The following TNXB variants were observed in gnomAD, a reference collection of about 807,000 sequenced individuals.
TNXB encodes tenascin XB, also known as tenascin-X.
Under a neutral mutation model 340.5 loss-of-function variants are expected in TNXB, and 183 were observed. The observed-to-expected ratio is 0.54, with a 90% CI of 0.48 to 0.61. TNXB has a LOEUF of 0.61. Among genes scored for constraint, TNXB ranks in the 20% least tolerant of loss-of-function variants. The probability of loss-of-function intolerance (pLI) is 0.00; values close to 1 mark genes in which losing one functional copy is unlikely to be tolerated. For synonymous variants in TNXB, 2,121 were observed against 2,314.5 expected (o/e 0.92, Z 2.40); for missense variants, 4,613 against 5,446.4 (o/e 0.85, Z 4.82).
At position 32,069,674 on chromosome 6, in the gene TNXB, C is replaced by T. The variant is rs1284068947; in HGVS notation, c.5466G>A (p.Val1822=). The change falls in exon 15 of 44, where the codon GTG becomes GTA. Residue 1822 remains valine, a synonymous_variant. Coordinates refer to ENST00000644971, the MANE Select transcript of TNXB (RefSeq NM_001365276.2). The surrounding 1 kb of genome is among the most constrained non-coding windows in gnomAD (Gnocchi z 6.2). ...CGCTGACCTCCCTGAGGCTGCCCTCCACGGGCACCACCTGGGGCTGCCCGT... is the reference window on the plus strand; with the variant it reads ...CGCTGACCTCCCTGAGGCTGCCCTCTACGGGCACCACCTGGGGCTGCCCGT... The part of the protein sequence containing the change: ...DRDGQPQVVP[V]EGSLREVSVP... 1 of 1,613,106 alleles carries T rather than the reference C, an allele frequency of 6.2e-7. No individual in the cohort carries two copies. The highest frequency in any genetic ancestry group is 2.2e-5 in the East Asian group (1 of 44,880).
At position 32,064,801 on chromosome 6, in the gene TNXB, G is replaced by C; in HGVS notation, c.6841+20C>G. The stretch of plus-strand genomic sequence containing the variant: ...TGAGTCTAGTTCAGGGCAGGGCCCA[G>C]TGCCCTACTGCACACTCACCAGTTA... On this transcript the variant is annotated intron_variant, in intron 19 of 43. Transcript: ENST00000644971. The surrounding 1 kb of genome is among the most constrained non-coding windows in gnomAD (Gnocchi z 5.3). 1 of 1,604,606 alleles carries C rather than the reference G, an allele frequency of 6.2e-7. No individual in the cohort carries two copies. The highest frequency in any genetic ancestry group is 1.1e-5 in the South Asian group (1 of 90,208).
At position 32,097,638 on chromosome 6, in the gene TNXB, T is replaced by TAGCC. The variant is rs1284809620; in HGVS notation, c.403+154_403+157dup. The stretch of plus-strand genomic sequence containing the variant: ...CCTCGCATATGCTTTGGTTGACATG[T>TAGCC]AGCCCAGCTCTGCTCTCCAAGTTGT... On this transcript the variant is annotated intron_variant, in intron 2 of 43. Transcript: ENST00000644971. The surrounding 1 kb of genome is among the most constrained non-coding windows in gnomAD (Gnocchi z 5.9). The TAGCC allele has an allele frequency of 9.1e-7, 1 of 1,104,920 alleles. No homozygotes were observed. Among genetic ancestry groups the TAGCC allele is most frequent in the African/African-American group, 1.6e-5 (1 of 63,394 alleles). The allele number at this position is 1,104,920 out of a possible 1,614,324, so 68.4% of individuals were successfully genotyped here.
Position 32,064,917 on chromosome 6 carries a change from T to C in TNXB, c.6745A>G (p.Ile2249Val), listed in dbSNP as rs563910971. 1.2e-6 allele frequency: 2 copies of C among 1,612,840 alleles called. No individual in the cohort carries two copies. Among genetic ancestry groups the C allele is most frequent in the East Asian group, 2.2e-5 (1 of 44,870 alleles). The change falls in exon 19 of 44, where the codon ATC becomes GTC. Residue 2249 changes from isoleucine to valine, a missense_variant. Around this residue, in one of 7 missense-constraint regions of TNXB, gnomAD observed 4,327 missense variants for 4,859.4 expected, o/e 0.89. Coordinates refer to ENST00000644971, the MANE Select transcript of TNXB (RefSeq NM_001365276.2). The surrounding 1 kb of genome is among the most constrained non-coding windows in gnomAD (Gnocchi z 5.3). ...RVPGHEDGVT[I>V]SGLEPDHKYK... is the part of the protein sequence containing the mutation. ...TTGTGGTCTGGCTCCAGGCCCGAGATGGTGACCCCATCCTCGTGTCCCGGC... is the reference window on the plus strand; with the variant it reads ...TTGTGGTCTGGCTCCAGGCCCGAGACGGTGACCCCATCCTCGTGTCCCGGC...
At position 32,089,850 on chromosome 6, in the gene TNXB, C is replaced by T. The variant is rs204899; in HGVS notation, c.2359-471G>A. Among the ~76,000 whole-genome samples, 20,354 of 152,214 alleles carry T rather than the reference C, an allele frequency of 0.13. 1,657 individuals are homozygous for T. Among genetic ancestry groups the T allele is most frequent in the South Asian group, 0.22 (1,052 of 4,824 alleles). On this transcript the variant is annotated intron_variant, in intron 4 of 43. Transcript: ENST00000644971. The surrounding 1 kb of genome is among the most constrained non-coding windows in gnomAD (Gnocchi z 6.2). ...CCAGGACTCTCCCTCCAGCTTTGCC[C>T]TGGCAACTCTGACTACCTGGGCATG...
chr6:32,096,105 T>C lies in TNXB; in HGVS notation c.1748A>G (p.Glu583Gly), dbSNP rs1398125163. ...RCVCEDGYSG[E>G]DCGVRQCPND... ...CGGGCACTGCCTCACACCGCAATCC[T>C]CGCCAGAGTAGCCGTCCTCGCACAC... The change falls in exon 3 of 44, where the codon GAG (glutamate) becomes GGG (glycine). Residue 583 changes from glutamate (E) to glycine (G), a missense_variant. By Grantham distance (98) the Glu-to-Gly change is moderately conservative. Transcript: ENST00000644971. 1 of 1,608,580 alleles carries C rather than the reference T, an allele frequency of 6.2e-7. No individual in the cohort carries two copies. The highest frequency in any genetic ancestry group is 1.1e-5 in the South Asian group (1 of 89,966).
Position 32,071,997 on chromosome 6 carries a change from T to G in TNXB, c.4983A>C (p.Ala1661=). The change falls in exon 13 of 44, where the codon GCA becomes GCC. Residue 1661 remains alanine (A), a synonymous_variant. Coordinates refer to ENST00000644971, the MANE Select transcript of TNXB (RefSeq NM_001365276.2). ...TGTAGGGGCCCATCTCACCCGTCTT[T>G]GCCTCCACAGAGACTGGGCTGCGTC... ...GKRRSPVSVE[A]KTVARGDASP... 1 of 1,599,202 alleles carries G rather than the reference T, an allele frequency of 6.3e-7. No individual in the cohort carries two copies. Among genetic ancestry groups the G allele is most frequent in the Non-Finnish European group, 8.5e-7 (1 of 1,171,338 alleles).
In TNXB at chr6:32,071,980, C is replaced by A. The variant is rs758269874; in HGVS notation, c.4990+10G>T. ...GGCCTCAGGCTCAGCTGTGTAGGGGCCCATCTCACCCGTCTTTGCCTCCAC... is the reference window on the plus strand; with the variant it reads ...GGCCTCAGGCTCAGCTGTGTAGGGGACCATCTCACCCGTCTTTGCCTCCAC... On this transcript the variant is annotated intron_variant, in intron 13 of 43. Coordinates refer to ENST00000644971, the MANE Select transcript of TNXB (RefSeq NM_001365276.2). 1.3e-6 allele frequency: 2 copies of A among 1,584,468 alleles called. No homozygotes were observed. The highest frequency in any genetic ancestry group is 2.3e-5 in the South Asian group (2 of 85,572).
In TNXB at chr6:32,081,748, A is replaced by G; in HGVS notation, c.3737-75T>C. On this transcript the variant is annotated intron_variant, in intron 9 of 43. Transcript: ENST00000644971. The surrounding 1 kb of genome is among the most constrained non-coding windows in gnomAD (Gnocchi z 5.1). ...GGGCTTGGGGTTTCGACGGGATGTC[A>G]CACCTATGGGGGGTGGGGGGTCACT... 1 of 758,244 alleles carries G rather than the reference A, an allele frequency of 1.3e-6. No individual in the cohort carries two copies. The highest frequency in any genetic ancestry group is 2.0e-6 in the Non-Finnish European group (1 of 500,304). The allele number at this position is 758,244 out of a possible 1,614,324, so 47.0% of individuals were successfully genotyped here.
In TNXB at chr6:32,047,705, GA is replaced by G; in HGVS notation, c.10324+28del. ...AGGGCTCGGATGAGAGGCAGCTCTG[GA>G]AAAGGTGGAGGCTGGACTGGGACTC... is the stretch of plus-strand genomic sequence containing the variant. On this transcript the variant is annotated intron_variant, in intron 30 of 43. Transcript: ENST00000644971. The surrounding 1 kb of genome is among the most constrained non-coding windows in gnomAD (Gnocchi z 6.2). The G allele has an allele frequency of 1.3e-6, 2 of 1,557,060 alleles. No individual in the cohort carries two copies.
Position 32,096,558 on chromosome 6 carries a change from G to C in TNXB, c.1295C>G (p.Ser432Trp), listed in dbSNP as rs1276343973. 1.3e-6 allele frequency: 2 copies of C among 1,591,822 alleles called. No homozygotes were observed. The highest frequency in any genetic ancestry group is 1.3e-5 in the African/African-American group (1 of 74,084). The change falls in exon 3 of 44, where the codon TCG (serine) becomes TGG (tryptophan). Residue 432 changes from serine (S) to tryptophan (W), a missense_variant. By Grantham distance (177) the Ser-to-Trp change is radical. Around this residue, in one of 7 missense-constraint regions of TNXB, gnomAD observed 4,327 missense variants for 4,859.4 expected, o/e 0.89. Transcript: ENST00000644971. ...TCTACAGTCGCGTGGGCAGGCGCGC[G>C]AGCCGCAATCGGTTCCAGTGTACCC... is the stretch of plus-strand genomic sequence containing the variant. Reference protein sequence around the residue: ...WPGYTGTDCGSRACPRDCRGR... With the variant: ...WPGYTGTDCGWRACPRDCRGR...
Position 32,079,496 on chromosome 6 carries a change from C to A in TNXB, c.4043-131G>T. ...CCTTTGTATTTGCCATTCGGTCACTCACGGATGGAGAAGGCTGAGACAGCC... is the reference window on the plus strand; with the variant it reads ...CCTTTGTATTTGCCATTCGGTCACTAACGGATGGAGAAGGCTGAGACAGCC... On this transcript the variant is annotated intron_variant, in intron 10 of 43. Transcript: ENST00000644971. This position sits in a 1 kb window ranked among gnomAD's most constrained non-coding sequence, Gnocchi z 7.1. 3.9e-6 allele frequency: 3 copies of A among 779,126 alleles called. No individual in the cohort carries two copies. Among genetic ancestry groups the A allele is most frequent in the South Asian group, 3.9e-5 (2 of 51,392 alleles). The allele number at this position is 779,126 out of a possible 1,614,324, so 48.3% of individuals were successfully genotyped here.
rs1344988814 is a variant in TNXB at position 32,061,891 on chromosome 6, G to A, written c.7169-171C>T. On this transcript the variant is annotated intron_variant, in intron 20 of 43. Coordinates refer to ENST00000644971, the MANE Select transcript of TNXB (RefSeq NM_001365276.2). The surrounding 1 kb of genome is among the most constrained non-coding windows in gnomAD (Gnocchi z 4.4). Reference sequence around the variant, plus strand: ...CCCATTCTTGGGGTCCTGCTCAGCTGACAGCTAACACACATGACAAATTCC... The same window carrying A: ...CCCATTCTTGGGGTCCTGCTCAGCTAACAGCTAACACACATGACAAATTCC... Among the ~76,000 whole-genome samples the A allele has an allele frequency of 6.6e-6, 1 of 152,190 alleles. No individual in the cohort carries two copies. Among genetic ancestry groups the A allele is most frequent in the African/African-American group, 2.4e-5 (1 of 41,438 alleles).
chr6:32,070,365 C>A lies in TNXB; in HGVS notation c.5040G>T (p.Leu1680=), dbSNP rs1217345878. ...AGTCTGGGGTGGGGTCTGTCACCCACAGCTCCCCAAGGCGGGGTGGGGCCC... is the reference window on the plus strand; with the variant it reads ...AGTCTGGGGTGGGGTCTGTCACCCAAAGCTCCCCAAGGCGGGGTGGGGCCC... The part of the protein sequence containing the change: ...SPGAPPRLGE[L]WVTDPTPDSL... Residue 1680 remains leucine (L), a synonymous_variant, in exon 14 of 44, where the codon CTG becomes CTT. Transcript: ENST00000644971. The surrounding 1 kb of genome is among the most constrained non-coding windows in gnomAD (Gnocchi z 6.0). The A allele has an allele frequency of 6.2e-7, 1 of 1,606,512 alleles. No individual in the cohort carries two copies. The highest frequency in any genetic ancestry group is 8.5e-7 in the Non-Finnish European group (1 of 1,176,886).
In TNXB at chr6:32,080,217, GTT is replaced by G. The variant is rs9279485; in HGVS notation, c.4043-854_4043-853del. 2.7e-5 allele frequency among the ~76,000 whole-genome samples: 4 copies of G among 145,722 alleles called. No individual in the cohort carries two copies. The highest frequency in any genetic ancestry group is 6.8e-5 in the Admixed American group (1 of 14,658). ...GTGGGCTTTTTTTGTTTTTGTTTTTGTTTTTTTTTTTGAGATGGAGTCTCACT... is the reference window on the plus strand; with the variant it reads ...GTGGGCTTTTTTTGTTTTTGTTTTTGTTTTTTTTTGAGATGGAGTCTCACT... On this transcript the variant is annotated intron_variant, in intron 10 of 43. Coordinates refer to ENST00000644971, the MANE Select transcript of TNXB (RefSeq NM_001365276.2). The surrounding 1 kb of genome is among the most constrained non-coding windows in gnomAD (Gnocchi z 4.3).
At position 32,064,089 on chromosome 6, in the gene TNXB, T is replaced by G. The variant is rs1778184577; in HGVS notation, c.6841+732A>C. 6.6e-6 allele frequency among the ~76,000 whole-genome samples: 1 copy of G among 152,172 alleles called. No individual in the cohort carries two copies. The highest frequency in any genetic ancestry group is 1.5e-5 in the Non-Finnish European group (1 of 68,034). On this transcript the variant is annotated intron_variant, in intron 19 of 43. Transcript: ENST00000644971. The surrounding 1 kb of genome is among the most constrained non-coding windows in gnomAD (Gnocchi z 5.3). ...CTTCCTCAGAAGGGAAAGACTGCAG[T>G]TATCTCTCATTGTGTGTGAGAGCCA...
intron 25 of TNXB, 124 bp downstream of exon 25, chr6:32,053,264 G>T: frequency 6.9e-7 from 1 of 1,445,826 alleles, no homozygotes; most frequent in Admixed American, 2.2e-5. Flanking sequence ...GGGAAGTGGG[G>T]AAAGACAAAA....
In TNXB at chr6:32,061,516, C is replaced by G; in HGVS notation, c.7373G>C (p.Gly2458Ala). Residue 2458 changes from glycine (G) to alanine (A), a missense_variant, in exon 21 of 44, where the codon GGG (glycine) becomes GCG (alanine). Around this residue, in one of 7 missense-constraint regions of TNXB, gnomAD observed 4,327 missense variants for 4,859.4 expected, o/e 0.89. Transcript: ENST00000644971. This position sits in a 1 kb window ranked among gnomAD's most constrained non-coding sequence, Gnocchi z 4.4. ...RDGRPQVVRV[G>A]GEESEVTVGG... is the part of the protein sequence containing the mutation. ...CACGGTGACCTCGCTCTCCTCGCCC[C>G]CAACACGCACCACCTGGGGCCGCCC... 6.2e-7 allele frequency: 1 copy of G among 1,613,636 alleles called. No individual in the cohort carries two copies. Among genetic ancestry groups the G allele is most frequent in the Non-Finnish European group, 8.5e-7 (1 of 1,179,876 alleles).
rs1233769879 is a variant in TNXB at position 32,085,915 on chromosome 6, T to G, written c.2983A>C (p.Met995Leu). ...GCCCCCGGCCCCTCGGGCACCCGCATGCGCAGTTGGAAGTAGGCAAAGGTG... is the reference window on the plus strand; with the variant it reads ...GCCCCCGGCCCCTCGGGCACCCGCAGGCGCAGTTGGAAGTAGGCAAAGGTG... ...PDTFAYFQLR[M>L]RVPEGPGAHE... The change falls in exon 7 of 44, where the codon ATG becomes CTG. Residue 995 changes from methionine to leucine, a missense_variant. By Grantham distance (15) the Met-to-Leu change is conservative. Transcript: ENST00000644971. This position sits in a 1 kb window ranked among gnomAD's most constrained non-coding sequence, Gnocchi z 6.4. 6.2e-7 allele frequency: 1 copy of G among 1,608,544 alleles called. No homozygotes were observed. Among genetic ancestry groups the G allele is most frequent in the Non-Finnish European group, 8.5e-7 (1 of 1,178,778 alleles).
In TNXB at chr6:32,062,397, T is replaced by C. The variant is rs200416807; in HGVS notation, c.6928A>G (p.Thr2310Ala). The C allele has an allele frequency of 6.8e-6, 11 of 1,613,094 alleles. No individual in the cohort carries two copies. Among genetic ancestry groups the C allele is most frequent in the Non-Finnish European group, 8.5e-6 (10 of 1,179,878 alleles). ...PPIKPRLEEL[T>A]VTDATPDSLS... ...GAGTCAGGGGTCGCATCTGTCACGGTCAGCTCCTCCAGGCGAGGCTTGATG... is the reference window on the plus strand; with the variant it reads ...GAGTCAGGGGTCGCATCTGTCACGGCCAGCTCCTCCAGGCGAGGCTTGATG... The change falls in exon 20 of 44, where the codon ACC becomes GCC. Residue 2310 changes from threonine to alanine, a missense_variant. Physicochemically the swap from Thr to Ala is moderately conservative, Grantham distance 58 (BLOSUM62 0). Around this residue, in one of 7 missense-constraint regions of TNXB, gnomAD observed 4,327 missense variants for 4,859.4 expected, o/e 0.89. Coordinates refer to ENST00000644971, the MANE Select transcript of TNXB (RefSeq NM_001365276.2). The surrounding 1 kb of genome is among the most constrained non-coding windows in gnomAD (Gnocchi z 4.3).
Sources: gnomAD v4.1 joint callset for allele counts (sites outside exome capture counted in the v4.1 genomes callset) on GRCh38, gnomAD v4.1.1 for gene constraint, gnomAD v4.1.1 regional missense constraint, Gnocchi (gnomAD v3.1) non-coding constraint, MANE v1.5 for transcripts, NCBI Gene and HGNC (gene_info 2026-07-23, HGNC 2026-07-21) for gene names.